Variants in MTHFD1L observed in about 807,000 individuals in gnomAD.
MTHFD1L encodes methylenetetrahydrofolate dehydrogenase (NADP+ dependent) 1 like.
In MTHFD1L, 81 loss-of-function variants were observed where a neutral mutation model predicts 119.5. The ratio of observed to expected loss-of-function variants is 0.68; its 90% CI spans 0.57 to 0.82. MTHFD1L has a LOEUF of 0.82. Among genes scored for constraint, MTHFD1L ranks in the 40% least tolerant of loss-of-function variants. The pLI is 0.00. For missense variants in MTHFD1L, 1,125 were observed against 1,253.4 expected (o/e 0.90, Z 1.55); for synonymous variants, 430 against 475.2 (o/e 0.90, Z 1.24).
At chr6:150,959,609 A>G (rs1796141532) in intron 17 of MTHFD1L, among the ~76,000 whole-genome samples, 1 of 152,198 alleles carries the variant, frequency 6.6e-6, no homozygotes, top group Non-Finnish European at 1.5e-5. Flanking sequence ...GCAGCTGAAA[A>G]TTGAGTCTGT....
intron 11 of MTHFD1L, among the ~76,000 whole-genome samples, chr6:150,933,149 A>C (rs1035181677): frequency 1.3e-5 from 2 of 152,134 alleles, no homozygotes; most frequent in Non-Finnish European, 2.9e-5. Flanking sequence ...TGTGTTTCTA[A>C]TTAAGAATTG....
At chr6:151,030,039 C>T (rs1446489385) in intron 24 of MTHFD1L, among the ~76,000 whole-genome samples, 2 of 152,188 alleles carry the variant, frequency 1.3e-5, no homozygotes, top group Admixed American at 6.5e-5. Context: ...TTTCAGTCCT[C>T]CCTACCGTTC....
intron 20 of MTHFD1L, among the ~76,000 whole-genome samples, chr6:151,002,924 T>C (rs2128468099): frequency 6.6e-6 from 1 of 152,260 alleles, no homozygotes; most frequent in South Asian, 2.1e-4. Context: ...GTCCTGTGCA[T>C]TATAGGATAT....
intron 25 of MTHFD1L, among the ~76,000 whole-genome samples, chr6:151,034,931 C>T (rs1021281824): frequency 2.0e-5 from 3 of 152,160 alleles, no homozygotes; most frequent in Non-Finnish European, 4.4e-5. Context: ...AGTAGAGCTG[C>T]GGAGTCAGAT....
At chr6:150,987,253 G>T (rs954203508) in intron 20 of MTHFD1L, among the ~76,000 whole-genome samples, 2 of 152,064 alleles carry the variant, frequency 1.3e-5, no homozygotes, top group African/African-American at 4.8e-5. Flanking sequence ...CCCTTTAGAG[G>T]TTTGAGACCC....
chr6:150,991,138 T>C (rs1779007895), intron 20 of MTHFD1L, among the ~76,000 whole-genome samples: 1 of 152,188 alleles, frequency 6.6e-6, no homozygotes, highest in African/African-American at 2.4e-5. Flanking sequence ...ATTACAGGCA[T>C]GAGCTGCCAT....
chr6:150,901,349 C>G (rs1032757087), intron 7 of MTHFD1L, among the ~76,000 whole-genome samples: 1 of 152,176 alleles, frequency 6.6e-6, no homozygotes, highest in African/African-American at 2.4e-5. Flanking sequence ...TGGTGAAGCA[C>G]ATCTATAGTC....
At chr6:150,913,597 C>T (rs1787328939) in intron 8 of MTHFD1L, among the ~76,000 whole-genome samples, 2 of 152,266 alleles carry the variant, frequency 1.3e-5, no homozygotes, top group South Asian at 2.1e-4. Context: ...TGAGCTACTG[C>T]GCCCAGCCTG....
chr6:151,098,888 A>G (rs1299088911), intron 27 of MTHFD1L, among the ~76,000 whole-genome samples: 1 of 152,062 alleles, frequency 6.6e-6, no homozygotes, highest in African/African-American at 2.4e-5. Flanking sequence ...AAAATGTGGG[A>G]CCACAGGCCA....
chr6:151,041,355 G>A lies in MTHFD1L; in HGVS notation c.2847+4238G>A, dbSNP rs565789099. Among the ~76,000 whole-genome samples the A allele has an allele frequency of 4.6e-5, 7 of 152,314 alleles. No homozygotes were observed. The South Asian group carries it at 1.2e-3, about 27-fold the overall frequency. ...CCTTGAACATTCATCACCCGTGTGG[G>A]AGACAGGATAGTAATTTCCTGCTGA... On this transcript the variant is annotated intron_variant, in intron 26 of 27. Coordinates refer to ENST00000367321, the MANE Select transcript of MTHFD1L (RefSeq NM_015440.5).
chr6:151,087,128 A>G (rs1234331641), intron 26 of MTHFD1L, among the ~76,000 whole-genome samples: 1 of 152,072 alleles, frequency 6.6e-6, no homozygotes, highest in East Asian at 1.9e-4. Context: ...GGGCACCTGT[A>G]ATCCCAGCTA....
In MTHFD1L at chr6:150,894,662, T is replaced by C. The variant is rs375112116; in HGVS notation, c.780+6681T>C. On this transcript the variant is annotated intron_variant, in intron 7 of 27. Coordinates refer to ENST00000367321, the MANE Select transcript of MTHFD1L (RefSeq NM_015440.5). Reference sequence around the variant, plus strand: ...TGGAGATCCCTGATGGGCCAGTTACTACTTTCAGGCTCTGTAGGTTTAAAG... The same window carrying C: ...TGGAGATCCCTGATGGGCCAGTTACCACTTTCAGGCTCTGTAGGTTTAAAG... Among the ~76,000 whole-genome samples the C allele has an allele frequency of 1.5e-4, 23 of 152,346 alleles. No homozygotes were observed. The East Asian group carries it at 4.2e-3, about 28-fold the overall frequency.
intron 24 of MTHFD1L, among the ~76,000 whole-genome samples, chr6:151,023,366 C>G (rs1338105666): frequency 6.6e-6 from 1 of 152,014 alleles, no homozygotes; most frequent in East Asian, 1.9e-4. Flanking sequence ...TCCTGCTTGA[C>G]CAGACCTTCT....
chr6:150,874,399 C>T (rs1196980327), intron 1 of MTHFD1L, among the ~76,000 whole-genome samples: 1 of 152,182 alleles, frequency 6.6e-6, no homozygotes, highest in Non-Finnish European at 1.5e-5. Context: ...CCTAAAGCCC[C>T]GCCTGGGAAC....
At chr6:151,041,718 A>G in intron 26 of MTHFD1L, 1 of 488,242 alleles carries the variant, frequency 2.0e-6, no homozygotes, top group South Asian at 1.5e-5. Context: ...CCATACAGGC[A>G]CAGAATGCGG....
rs1252197416 is a variant in MTHFD1L, at chr6:150,865,718, C to T, written c.-105C>T. ...TGGGACGAGGAGGAAGCGCCAGGTC[C>T]TTCCCGCCGCCGCCGCCGCCGCCGC... On this transcript the variant is annotated 5_prime_UTR_variant, in exon 1 of 28. Coordinates refer to ENST00000367321, the MANE Select transcript of MTHFD1L (RefSeq NM_015440.5). 2 of 904,198 alleles carry T rather than the reference C, an allele frequency of 2.2e-6. No homozygotes were observed. The highest frequency in any genetic ancestry group is 2.1e-5 in the African/African-American group (1 of 47,008). The allele number at this position is 904,198 out of a possible 1,614,324, so 56.0% of individuals were successfully genotyped here. A position where few individuals can be genotyped will look rare whatever the true frequency, so the allele number is the denominator to read the frequency against.
rs140998989 is a variant in MTHFD1L at position 151,026,472 on chromosome 6, G to A, written c.2587-8021G>A. On this transcript the variant is annotated intron_variant, in intron 24 of 27. Transcript: ENST00000367321. Reference sequence around the variant, plus strand: ...AGCCACATGAGGCCAGTGAACACACGATACATCTTCCATTGTGATAGAAAG... The same window carrying A: ...AGCCACATGAGGCCAGTGAACACACAATACATCTTCCATTGTGATAGAAAG... Among the ~76,000 whole-genome samples, 682 of 152,288 alleles carry A rather than the reference G, an allele frequency of 4.5e-3. 2 individuals are homozygous for A. The highest frequency in any genetic ancestry group is 7.1e-3 in the Non-Finnish European group (481 of 68,022).
chr6:150,875,950 A>G, intron 1 of MTHFD1L, 140 bp from the exon 2 acceptor site: 3 of 667,350 alleles, frequency 4.5e-6, no homozygotes, highest in South Asian at 1.8e-5. Context: ...TACCCCCTCC[A>G]CAGTGTACAC....
At chr6:150,878,336 C>T (rs1780818026) in intron 4 of MTHFD1L, among the ~76,000 whole-genome samples, 2 of 152,028 alleles carry the variant, frequency 1.3e-5, no homozygotes, top group South Asian at 4.2e-4. Flanking sequence ...ACTGCAACCT[C>T]CGCCTCCCAG....
Sources: allele counts gnomAD v4.1 joint callset (sites outside exome capture counted in the v4.1 genomes callset), GRCh38; gene constraint gnomAD v4.1.1; transcripts MANE v1.5; gene names NCBI Gene and HGNC (gene_info 2026-07-23, HGNC 2026-07-21).